AMOTL1: variants seen among roughly 807,000 people sequenced by gnomAD.
AMOTL1 encodes angiomotin-like protein 1.
AMOTL1 carries 45 observed loss-of-function variants against 102.9 expected under a neutral mutation model. The ratio of observed to expected loss-of-function variants is 0.44; its 90% CI spans 0.34 to 0.56. The LOEUF is 0.56. Ranked by LOEUF, AMOTL1 falls within the 20% of genes least tolerant of loss-of-function variation. The pLI is 0.01. For missense variants in AMOTL1, 1,114 were observed against 1,225.6 expected (o/e 0.91, Z 1.36); for synonymous variants, 481 against 484.7 (o/e 0.99, Z 0.10).
rs1311672488 is a variant in AMOTL1 at position 94,866,110 on chromosome 11, T to G, written c.2430T>G (p.Leu810=). 6.2e-7 allele frequency: 1 copy of G among 1,613,844 alleles called. No individual in the cohort carries two copies. The highest frequency in any genetic ancestry group is 1.3e-5 in the African/African-American group (1 of 74,914). ...GGACACACTCTCGCCAGACCTCTCT[T>G]ACCAGCAGCCAGCTGGCTGAGGAAA... ...ATGTHSRQTS[L]TSSQLAEEKK... The change falls in exon 11 of 13, where the codon CTT becomes CTG. Residue 810 remains leucine (L), a synonymous_variant. Coordinates refer to ENST00000433060, the MANE Select transcript of AMOTL1 (RefSeq NM_130847.3).
intron 1 of AMOTL1, among the ~76,000 whole-genome samples, chr11:94,772,539 G>A (rs1950968727): frequency 1.3e-5 from 2 of 152,114 alleles, no homozygotes; most frequent in African/African-American, 2.4e-5. Context: ...CCAAATTTTT[G>A]CATCTCTCAA....
chr11:94,801,814 G>A (rs1348664446), intron 3 of AMOTL1, among the ~76,000 whole-genome samples: 2 of 152,178 alleles, frequency 1.3e-5, no homozygotes, highest in Non-Finnish European at 2.9e-5. Flanking sequence ...ATGTTTAGAT[G>A]TTGCTGACAT....
intron 2 of AMOTL1, among the ~76,000 whole-genome samples, chr11:94,734,595 C>A (rs1188103652): frequency 6.6e-6 from 1 of 152,198 alleles, no homozygotes; most frequent in Admixed American, 6.5e-5. Flanking sequence ...AGAAGAGAGT[C>A]ATGCTGAGCT....
chr11:94,800,645 A>G (rs1408270491), intron 3 of AMOTL1, among the ~76,000 whole-genome samples: 1 of 152,182 alleles, frequency 6.6e-6, no homozygotes, highest in Non-Finnish European at 1.5e-5. Context: ...AACTCCTGGA[A>G]CATATTATTA....
In AMOTL1 at chr11:94,831,388, C is replaced by G. The variant is rs1448795013; in HGVS notation, c.1559-64C>G. ...CCAGCTCTTGGCACATATTTCATTT[C>G]TTGGTTAGATGATGACTTCAATCCA... On this transcript the variant is annotated intron_variant, in intron 5 of 12. Transcript: ENST00000433060. 8.9e-6 allele frequency: 12 copies of G among 1,355,642 alleles called. No individual in the cohort carries two copies. In the East Asian group the frequency reaches 2.8e-4, roughly 31 times the overall value. The allele number at this position is 1,355,642 out of a possible 1,614,324, so 84.0% of individuals were successfully genotyped here. A position where few individuals can be genotyped will look rare whatever the true frequency, so the allele number is the denominator to read the frequency against.
At chr11:94,748,473 ATTATCAG>A (rs1950614061) in intron 3 of AMOTL1, among the ~76,000 whole-genome samples, 2 of 152,192 alleles carry the variant, frequency 1.3e-5, no homozygotes, top group African/African-American at 4.8e-5. Context: ...GATGGAGTCT[ATTATCAG>A]AGAATAGCTG....
In AMOTL1 at chr11:94,874,927, C is replaced by T. The variant is rs1246554742; in HGVS notation, c.*4132C>T. 6.6e-6 allele frequency: 1 copy of T among 152,188 alleles called. No homozygotes were observed. The highest frequency in any genetic ancestry group is 2.1e-4 in the South Asian group (1 of 4,826). The allele number at this position is 152,188 out of a possible 1,614,324, so 9.4% of individuals were successfully genotyped here. On this transcript the variant is annotated 3_prime_UTR_variant, in exon 13 of 13. Transcript: ENST00000433060. ...TCCACGCTGGAGTAAGTGGAGCATGCTTCTCTGTGTTCTCTGAATGATCTT... is the reference window on the plus strand; with the variant it reads ...TCCACGCTGGAGTAAGTGGAGCATGTTTCTCTGTGTTCTCTGAATGATCTT...
At chr11:94,708,363 G>C (rs760329513) in intron 1 of AMOTL1, among the ~76,000 whole-genome samples, 88 of 152,316 alleles carry the variant, frequency 5.8e-4, no homozygotes, top group Non-Finnish European at 7.6e-4. Flanking sequence ...AATGTAGAAA[G>C]CAGTGGGAAG....
upstream of AMOTL1, among the ~76,000 whole-genome samples, chr11:94,763,595 C>T (rs555778935): frequency 4.6e-5 from 7 of 152,060 alleles, no homozygotes; most frequent in East Asian, 5.8e-4. Context: ...GAAGCCTTAC[C>T]GATAATATAA....
intron 1 of AMOTL1, chr11:94,728,902 T>A (rs1950301979): frequency 8.9e-7 from 1 of 1,121,834 alleles, no homozygotes; most frequent in Non-Finnish European, 1.2e-6. Flanking sequence ...CCCTTTTTTA[T>A]ATTCATTATT....
chr11:94,718,964 A>T (rs992295775), intron 1 of AMOTL1, among the ~76,000 whole-genome samples: 2 of 151,898 alleles, frequency 1.3e-5, no homozygotes, highest in African/African-American at 4.8e-5. Context: ...CCCATGCCAG[A>T]ATTGTAAAAT....
intron 3 of AMOTL1, among the ~76,000 whole-genome samples, chr11:94,755,153 C>A (rs1950705605): frequency 6.6e-6 from 1 of 152,204 alleles, no homozygotes; most frequent in African/African-American, 2.4e-5. Flanking sequence ...GAAATTAACC[C>A]TTCCTACAGT....
chr11:94,823,971 G>A (rs533057467), intron 4 of AMOTL1, among the ~76,000 whole-genome samples: 4 of 151,722 alleles, frequency 2.6e-5, no homozygotes, highest in Admixed American at 1.3e-4. Context: ...CGCCCACCTC[G>A]GCCTCCCAAA....
chr11:94,762,944 G>A (rs1051641436), intron 3 of AMOTL1, among the ~76,000 whole-genome samples: 12 of 152,148 alleles, frequency 7.9e-5, no homozygotes, highest in African/African-American at 2.2e-4. Flanking sequence ...TAACGATCCC[G>A]CCAAACTACC....
intron 6 of AMOTL1, among the ~76,000 whole-genome samples, chr11:94,849,070 T>G (rs1952478615): frequency 6.6e-6 from 1 of 152,218 alleles, no homozygotes; most frequent in Non-Finnish European, 1.5e-5. Flanking sequence ...TAACTACTAT[T>G]GTTGCTGCTA....
chr11:94,816,305 A>C (rs1302718692), intron 3 of AMOTL1, among the ~76,000 whole-genome samples: 3 of 152,184 alleles, frequency 2.0e-5, no homozygotes, highest in Non-Finnish European at 4.4e-5. Context: ...AAAGGCCTAA[A>C]GGAAATGTCT....
intron 1 of AMOTL1, among the ~76,000 whole-genome samples, chr11:94,773,258 G>C (rs1000573151): frequency 1.3e-5 from 2 of 152,118 alleles, no homozygotes; most frequent in African/African-American, 4.8e-5. Context: ...CTTTAAGGAT[G>C]GTGCATTTAG....
chr11:94,774,628 A>G (rs1324005037), intron 1 of AMOTL1, among the ~76,000 whole-genome samples: 1 of 152,230 alleles, frequency 6.6e-6, no homozygotes, highest in Non-Finnish European at 1.5e-5. Flanking sequence ...GTTTATTGAA[A>G]CATGGATTGC....
rs1428809768 is a variant in AMOTL1 at position 94,873,423 on chromosome 11, T to C, written c.*2628T>C. The C allele has an allele frequency of 1.3e-5, 2 of 152,228 alleles. No homozygotes were observed. The highest frequency in any genetic ancestry group is 2.9e-5 in the Non-Finnish European group (2 of 68,040). The allele number at this position is 152,228 out of a possible 1,614,324, so 9.4% of individuals were successfully genotyped here. The stretch of plus-strand genomic sequence containing the variant: ...GAAGTCCGGCCATATACTGAGTACC[T>C]GCTCTGAGTTCTGGGCAGCTTACAA... On this transcript the variant is annotated 3_prime_UTR_variant, in exon 13 of 13. Coordinates refer to ENST00000433060, the MANE Select transcript of AMOTL1 (RefSeq NM_130847.3).
Sources: gnomAD v4.1 joint callset for allele counts (sites outside exome capture counted in the v4.1 genomes callset) on GRCh38, gnomAD v4.1.1 for gene constraint, MANE v1.5 for transcripts, NCBI Gene and HGNC (gene_info 2026-07-23, HGNC 2026-07-21) for gene names.